The following OTC variants were observed in gnomAD, a reference collection of about 807,000 sequenced individuals.
OTC encodes the protein ornithine transcarbamylase.
Under a neutral mutation model 30.3 loss-of-function variants are expected in OTC, and 3 were observed. That is an observed-to-expected ratio of 0.10 (90% CI 0.05 to 0.26). The LOEUF (loss-of-function observed/expected upper bound fraction) is 0.26. OTC is among the 10% of genes least tolerant of loss of function. The probability of loss-of-function intolerance (pLI) is 1.00; values close to 1 mark genes in which losing one functional copy is unlikely to be tolerated. For synonymous variants in OTC, 111 were observed against 99.7 expected, an observed-to-expected ratio of 1.11 and a Z score of -0.67; for missense variants, 194 against 260.3, an observed-to-expected ratio of 0.75 and a Z score of 1.75.
At chrX:38,377,340 A>G (rs2068353521) in intron 3 of OTC, among the ~76,000 whole-genome samples, 1 of 111,680 alleles carries the variant, frequency 9.0e-6, no homozygotes, top group Non-Finnish European at 1.9e-5. Flanking sequence ...CATGTACATC[A>G]ATAAATGCCT....
chrX:38,391,469 C>T (rs2068428624), intron 4 of OTC, among the ~76,000 whole-genome samples: 1 of 111,606 alleles, frequency 9.0e-6, no homozygotes, highest in South Asian at 3.8e-4. Context: ...TGACTGTTCT[C>T]ATCAAAAGTT....
chrX:38,328,355 A>T, the OTC span, among the ~76,000 whole-genome samples: 1 of 112,485 alleles, frequency 8.9e-6, no homozygotes, highest in Non-Finnish European at 1.9e-5. Flanking sequence ...TGAAGAGGGG[A>T]CATTAAACTA....
chrX:38,350,310 C>T (rs960607509), upstream of OTC, among the ~76,000 whole-genome samples: 4 of 111,805 alleles, frequency 3.6e-5, no homozygotes, highest in Non-Finnish European at 7.5e-5. Flanking sequence ...TCTCAGAACC[C>T]ACACAGCACA....
intron 1 of OTC, among the ~76,000 whole-genome samples, chrX:38,366,044 T>C (rs940698254): frequency 9.0e-6 from 1 of 111,504 alleles, no homozygotes; most frequent in African/African-American, 3.3e-5. Flanking sequence ...CAAAAACACA[T>C]CACAAGAGAG....
intron 4 of OTC, among the ~76,000 whole-genome samples, chrX:38,387,030 T>G (rs954982851): frequency 1.2e-4 from 13 of 112,779 alleles, no homozygotes; most frequent in African/African-American, 3.5e-4. Flanking sequence ...GGTTTTAATT[T>G]GCATTTCCCT....
chrX:38,333,437 A>G, the OTC span, among the ~76,000 whole-genome samples: 1 of 109,519 alleles, frequency 9.1e-6, no homozygotes, highest in Non-Finnish European at 1.9e-5. Flanking sequence ...CACCTCCCTC[A>G]TGTTGGAGAA....
At chrX:38,338,264 A>C in the OTC span, among the ~76,000 whole-genome samples, 1 of 112,272 alleles carries the variant, frequency 8.9e-6, no homozygotes, top group African/African-American at 3.2e-5. Context: ...TGTTATAAGA[A>C]ATAGCCACCT....
chrX:38,422,284 G>A (rs758859828), downstream of OTC, among the ~76,000 whole-genome samples: 75 of 111,857 alleles, frequency 6.7e-4, no homozygotes, highest in African/African-American at 2.3e-3. Flanking sequence ...TTTTGTGGGG[G>A]AAAGAGGCTC....
chrX:38,417,200 T>C (rs1015310994), intron 9 of OTC, among the ~76,000 whole-genome samples: 3 of 111,893 alleles, frequency 2.7e-5, no homozygotes, highest in African/African-American at 9.7e-5. Context: ...TACCTAGAAG[T>C]TTGCCTGACA....
chrX:38,371,064 C>A (rs1407123511), intron 3 of OTC, among the ~76,000 whole-genome samples: 1 of 111,689 alleles, frequency 9.0e-6, no homozygotes. Flanking sequence ...AGCATGCCCC[C>A]CCATCCTTCA....
the OTC span, among the ~76,000 whole-genome samples, chrX:38,341,552 T>G: frequency 8.9e-6 from 1 of 112,327 alleles, no homozygotes; most frequent in African/African-American, 3.2e-5. Flanking sequence ...AAATTTTAAC[T>G]GGCAAAAAGA....
In OTC at chrX:38,401,502, C is replaced by T. The variant is rs2068487940; in HGVS notation, c.540+74C>T. 3 of 832,886 alleles carry T rather than the reference C, an allele frequency of 3.6e-6. No individual in the cohort carries two copies. In the South Asian group the frequency reaches 6.3e-5, roughly 17 times the overall value. The allele number at this position is 832,886 out of a possible 1,213,427, so 68.6% of individuals were successfully genotyped here. On this transcript the variant is annotated intron_variant, in intron 5 of 9. Coordinates refer to ENST00000039007, the MANE Select transcript of OTC (RefSeq NM_000531.6). ...GACTTGCTTTAAGTGAAACAGTTTACTTAAATCATGGTATTGGTGTTTTAT... is the reference window on the plus strand; with the variant it reads ...GACTTGCTTTAAGTGAAACAGTTTATTTAAATCATGGTATTGGTGTTTTAT...
chrX:38,356,285 C>A (rs2068241212), intron 1 of OTC, among the ~76,000 whole-genome samples: 1 of 111,136 alleles, frequency 9.0e-6, no homozygotes, highest in South Asian at 3.8e-4. Flanking sequence ...CATCTGAATT[C>A]TTCAATTTTC....
upstream of OTC, among the ~76,000 whole-genome samples, chrX:38,348,029 T>C (rs1159487561): frequency 8.9e-6 from 1 of 112,389 alleles, no homozygotes; most frequent in Non-Finnish European, 1.9e-5. Context: ...TAGCAACATT[T>C]GGCTATTTGG....
intron 4 of OTC, among the ~76,000 whole-genome samples, chrX:38,382,953 A>C (rs111349976): frequency 2.0e-3 from 220 of 112,223 alleles, no homozygotes; most frequent in African/African-American, 6.8e-3. Flanking sequence ...ATCAAGAGAC[A>C]AACAGCCAAG....
chrX:38,341,511 C>T, the OTC span, among the ~76,000 whole-genome samples: 57 of 111,975 alleles, frequency 5.1e-4, no homozygotes, highest in African/African-American at 1.6e-3. Context: ...TCCATGTCCC[C>T]TGTTGCTTTG....
chrX:38,389,590 C>T (rs2068420963), intron 4 of OTC, among the ~76,000 whole-genome samples: 1 of 111,376 alleles, frequency 9.0e-6, no homozygotes, highest in African/African-American at 3.3e-5. Flanking sequence ...TGAATCTTTA[C>T]AGAGAACACC....
At chrX:38,394,216 G>A (rs553475520) in intron 4 of OTC, among the ~76,000 whole-genome samples, 1 of 112,469 alleles carries the variant, frequency 8.9e-6, no homozygotes, top group African/African-American at 3.2e-5. Context: ...TATACACAAT[G>A]TATTTTTTAA....
chrX:38,369,521 T>A (rs2068313385), intron 2 of OTC, among the ~76,000 whole-genome samples: 1 of 107,388 alleles, frequency 9.3e-6, no homozygotes, highest in African/African-American at 3.4e-5. Context: ...CTAATTTTTT[T>A]TTTTTTTTTT....
Sources: allele counts gnomAD v4.1 joint callset (sites outside exome capture counted in the v4.1 genomes callset), GRCh38; gene constraint gnomAD v4.1.1; transcripts MANE v1.5; gene names NCBI Gene and HGNC (gene_info 2026-07-23, HGNC 2026-07-21).